The following ELAVL2 variants were observed in gnomAD, a reference collection of about 807,000 sequenced individuals.
ELAVL2 encodes the protein ELAV-like protein 2.
Under a neutral mutation model 34.6 loss-of-function variants are expected in ELAVL2, and 4 were observed. The observed-to-expected ratio is 0.12, with a 90% CI of 0.06 to 0.26. The LOEUF is 0.26. ELAVL2 is among the 10% of genes least tolerant of loss of function. The probability of loss-of-function intolerance (pLI) is 1.00; values close to 1 mark genes in which losing one functional copy is unlikely to be tolerated. For synonymous variants in ELAVL2, 193 were observed against 154.8 expected, an observed-to-expected ratio of 1.25 and a Z score of -1.83; for missense variants, 432 against 442.8, an observed-to-expected ratio of 0.98 and a Z score of 0.22.
intron 3 of ELAVL2, among the ~76,000 whole-genome samples, chr9:23,727,122 G>C (rs2045402679): frequency 2.6e-5 from 4 of 151,990 alleles, no homozygotes; most frequent in Non-Finnish European, 4.4e-5. Flanking sequence ...TCAACACTGG[G>C]GATACTGTGG....
At chr9:23,757,655 G>C (rs2053892860) in intron 2 of ELAVL2, among the ~76,000 whole-genome samples, 1 of 151,920 alleles carries the variant, frequency 6.6e-6, no homozygotes, top group Non-Finnish European at 1.5e-5. Flanking sequence ...CAGCTAAGCT[G>C]TACAAGCAGC....
intron 1 of ELAVL2, among the ~76,000 whole-genome samples, chr9:23,789,484 A>G (rs189881478): frequency 4.0e-4 from 61 of 152,358 alleles, no homozygotes; most frequent in Admixed American, 1.1e-3. Flanking sequence ...TAGTAATACA[A>G]TTCGGTAAAA....
chr9:23,781,095 A>G (rs2059000355), intron 1 of ELAVL2, among the ~76,000 whole-genome samples: 1 of 152,244 alleles, frequency 6.6e-6, no homozygotes, highest in South Asian at 2.1e-4. Flanking sequence ...TCTATTAAGA[A>G]CAGATTTTTC....
At chr9:23,694,077 T>C (rs1470044716) in intron 5 of ELAVL2, among the ~76,000 whole-genome samples, 1 of 152,154 alleles carries the variant, frequency 6.6e-6, no homozygotes, top group Non-Finnish European at 1.5e-5. Context: ...AACCCTCCCA[T>C]TTCTCAAATG....
intron 3 of ELAVL2, among the ~76,000 whole-genome samples, chr9:23,722,406 T>TGAG (rs2043969495): frequency 6.6e-6 from 1 of 152,240 alleles, no homozygotes; most frequent in Non-Finnish European, 1.5e-5. Context: ...ATCTGCTAAG[T>TGAG]ATGACCTCCA....
chr9:23,698,252 G>T (rs2035948282), intron 5 of ELAVL2, among the ~76,000 whole-genome samples: 1 of 151,990 alleles, frequency 6.6e-6, no homozygotes, highest in Non-Finnish European at 1.5e-5. Context: ...ATACTTAAGG[G>T]GCTTGAATTA....
Position 23,790,789 on chromosome 9 carries a change from T to C in ELAVL2, c.-15-28540A>G, listed in dbSNP as rs372217827. On this transcript the variant is annotated intron_variant, in intron 1 of 6. Coordinates refer to ENST00000397312, the MANE Select transcript of ELAVL2 (RefSeq NM_004432.5). ...ACCTCATTAAGTTCTGACTTGAGGA[T>C]GTCTGCTCTGGACGAGCACACAGAG... Among the ~76,000 whole-genome samples the C allele has an allele frequency of 1.4e-4, 22 of 152,350 alleles. No homozygotes were observed. In the South Asian group the frequency reaches 4.3e-3, roughly 30 times the overall value.
chr9:23,694,437 T>C (rs2034378579), intron 5 of ELAVL2, among the ~76,000 whole-genome samples: 2 of 152,236 alleles, frequency 1.3e-5, no homozygotes, highest in African/African-American at 2.4e-5. Context: ...CAACTAATTA[T>C]GTGTTCTGAG....
chr9:23,792,714 G>A (rs552336066), intron 1 of ELAVL2, among the ~76,000 whole-genome samples: 2 of 152,162 alleles, frequency 1.3e-5, no homozygotes, highest in Middle Eastern at 3.4e-3. Flanking sequence ...AGGTCAAAAT[G>A]ACCCATAACC....
At chr9:23,738,909 C>G (rs1365645461) in intron 2 of ELAVL2, among the ~76,000 whole-genome samples, 2 of 152,238 alleles carry the variant, frequency 1.3e-5, no homozygotes, top group East Asian at 3.9e-4. Context: ...TCCTGTAGTT[C>G]CAGTCCCAGT....
At chr9:23,843,699 G>A in the ELAVL2 span, among the ~76,000 whole-genome samples, 1 of 151,826 alleles carries the variant, frequency 6.6e-6, no homozygotes, top group African/African-American at 2.4e-5. Flanking sequence ...CAGATCACAG[G>A]CAATCTCCCT....
chr9:23,813,429 T>TTA (rs1554765996), intron 1 of ELAVL2, among the ~76,000 whole-genome samples: 118 of 150,864 alleles, frequency 7.8e-4, no homozygotes, highest in African/African-American at 2.8e-3. Context: ...TTTTTTTTTT[T>TTA]ACAACAATCT....
At chr9:23,763,697 G>A (rs1719106538) in intron 1 of ELAVL2, among the ~76,000 whole-genome samples, 1 of 152,110 alleles carries the variant, frequency 6.6e-6, no homozygotes, top group Admixed American at 6.6e-5. Context: ...ACTGCCAGGA[G>A]ATGTTTACAA....
the ELAVL2 span, among the ~76,000 whole-genome samples, chr9:23,842,932 T>G: frequency 2.0e-5 from 3 of 152,124 alleles, no homozygotes; most frequent in South Asian, 2.1e-4. Context: ...GAACTGTACT[T>G]GCCATTTTTT....
intron 1 of ELAVL2, among the ~76,000 whole-genome samples, chr9:23,816,766 G>A (rs1055045540): frequency 6.6e-5 from 10 of 152,310 alleles, no homozygotes; most frequent in Admixed American, 6.5e-4. Context: ...AATGGATCAT[G>A]AGAGTGAAAA....
intron 3 of ELAVL2, among the ~76,000 whole-genome samples, chr9:23,719,823 CT>C (rs201455930): frequency 0.089 from 11,609 of 130,432 alleles, 448 homozygotes; most frequent in Non-Finnish European, 0.11. Context: ...TTAAAAGCCA[CT>C]TTTTTTTTTT....
chr9:23,748,836 T>A (rs1471042717), intron 2 of ELAVL2, among the ~76,000 whole-genome samples: 1 of 152,002 alleles, frequency 6.6e-6, no homozygotes, highest in African/African-American at 2.4e-5. Context: ...AAAACTAGTA[T>A]CTCCTGAAAA....
Position 23,692,188 on chromosome 9 carries a change from G to A in ELAVL2, c.*369C>T, listed in dbSNP as rs1445247291. 1 of 172,136 alleles carries A rather than the reference G, an allele frequency of 5.8e-6. No homozygotes were observed. Among genetic ancestry groups the A allele is most frequent in the Non-Finnish European group, 1.2e-5 (1 of 80,650 alleles). The allele number at this position is 172,136 out of a possible 1,614,324, so 10.7% of individuals were successfully genotyped here. ...GGGGAAAAAAAAGACACAACCAACT[G>A]AAGAATTACAACACAAAGCCTCAAT... is the stretch of plus-strand genomic sequence containing the variant. On this transcript the variant is annotated 3_prime_UTR_variant, in exon 7 of 7. Transcript: ENST00000397312.
intron 4 of ELAVL2, among the ~76,000 whole-genome samples, chr9:23,704,549 G>A (rs1055096629): frequency 7.9e-5 from 12 of 151,852 alleles, no homozygotes; most frequent in African/African-American, 2.7e-4. Flanking sequence ...GCTGCATACC[G>A]CTGCATTAAA....
Sources: allele counts gnomAD v4.1 joint callset (sites outside exome capture counted in the v4.1 genomes callset), GRCh38; gene constraint gnomAD v4.1.1; transcripts MANE v1.5; gene names NCBI Gene and HGNC (gene_info 2026-07-23, HGNC 2026-07-21).